Variants in TMEM135 observed in about 807,000 individuals in gnomAD.
TMEM135 encodes the protein transmembrane protein 135.
In TMEM135, 30 loss-of-function variants were observed where a neutral mutation model predicts 60.3. The observed-to-expected ratio is 0.50, with a 90% CI of 0.37 to 0.68. The LOEUF (loss-of-function observed/expected upper bound fraction) is 0.68. Among genes scored for constraint, TMEM135 ranks in the 30% least tolerant of loss-of-function variants. TMEM135 has a pLI of 0.00. For missense variants in TMEM135, 468 were observed against 548.8 expected (o/e 0.85, Z 1.47); for synonymous variants, 190 against 186.7 (o/e 1.02, Z -0.14).
At chr11:87,218,736 T>C (rs1382073064) in intron 5 of TMEM135, among the ~76,000 whole-genome samples, 3 of 152,046 alleles carry the variant, frequency 2.0e-5, no homozygotes, top group Non-Finnish European at 2.9e-5. Context: ...CCGAGGCAGG[T>C]GGATCACTTG....
intron 5 of TMEM135, among the ~76,000 whole-genome samples, chr11:87,174,391 C>T (rs1308778508): frequency 6.6e-6 from 1 of 152,112 alleles, no homozygotes; most frequent in Non-Finnish European, 1.5e-5. Flanking sequence ...CTAGAATGTT[C>T]CTGATAACTT....
At chr11:87,138,761 A>G (rs963274476) in intron 4 of TMEM135, among the ~76,000 whole-genome samples, 2 of 152,236 alleles carry the variant, frequency 1.3e-5, no homozygotes, top group Admixed American at 1.3e-4. Flanking sequence ...ATGGGAACAC[A>G]GGTGCAAGAG....
intron 1 of TMEM135, among the ~76,000 whole-genome samples, chr11:87,046,319 G>A (rs1281707859): frequency 6.6e-6 from 1 of 152,214 alleles, no homozygotes; most frequent in African/African-American, 2.4e-5. Flanking sequence ...CAGGAGAATC[G>A]CTTGCAGCGA....
At chr11:87,199,845 G>T (rs887653306) in intron 5 of TMEM135, among the ~76,000 whole-genome samples, 2 of 152,178 alleles carry the variant, frequency 1.3e-5, no homozygotes, top group African/African-American at 4.8e-5. Context: ...CAGGAGAATT[G>T]CTTGACCCTG....
At chr11:87,210,572 A>G (rs1343528769) in intron 5 of TMEM135, among the ~76,000 whole-genome samples, 2 of 152,288 alleles carry the variant, frequency 1.3e-5, no homozygotes, top group African/African-American at 4.8e-5. Context: ...TCACAGGTAA[A>G]TTCTATTAGA....
intron 4 of TMEM135, among the ~76,000 whole-genome samples, chr11:87,115,596 C>T (rs187519217): frequency 6.6e-6 from 1 of 152,006 alleles, no homozygotes; most frequent in Non-Finnish European, 1.5e-5. Flanking sequence ...TTGGCATAGA[C>T]TTTTCTATTA....
intron 6 of TMEM135, among the ~76,000 whole-genome samples, chr11:87,251,391 A>T (rs1591140452): frequency 6.6e-6 from 1 of 152,120 alleles, no homozygotes; most frequent in Admixed American, 6.6e-5. Context: ...TACCTTGTTA[A>T]ATTTAGGTGC....
intron 5 of TMEM135, among the ~76,000 whole-genome samples, chr11:87,176,938 T>C (rs1939386560): frequency 6.6e-6 from 1 of 152,216 alleles, no homozygotes; most frequent in Non-Finnish European, 1.5e-5. Context: ...TCTTTTCTTA[T>C]TGTTTAAAGT....
chr11:87,266,134 T>G (rs1941742424), intron 6 of TMEM135, among the ~76,000 whole-genome samples: 1 of 152,148 alleles, frequency 6.6e-6, no homozygotes, highest in African/African-American at 2.4e-5. Flanking sequence ...TGTTTATAGT[T>G]AAGGATTTTA....
chr11:87,178,724 C>T (rs2135299833), intron 5 of TMEM135, among the ~76,000 whole-genome samples: 1 of 152,236 alleles, frequency 6.6e-6, no homozygotes, highest in Admixed American at 6.5e-5. Flanking sequence ...CCATGCCTGT[C>T]CAACATAATG....
chr11:87,255,192 G>T (rs930354636), intron 6 of TMEM135, among the ~76,000 whole-genome samples: 29 of 152,142 alleles, frequency 1.9e-4, no homozygotes, highest in Non-Finnish European at 4.3e-4. Flanking sequence ...ATAGAGTGGA[G>T]ATTGGCACTT....
At chr11:87,096,113 A>G in intron 4 of TMEM135, 1 of 284,132 alleles carries the variant, frequency 3.5e-6, no homozygotes, top group South Asian at 4.3e-5. Flanking sequence ...CTTCACCAAT[A>G]TAAAGAAAAC....
At chr11:87,041,044 G>C (rs1253575095) in intron 1 of TMEM135, among the ~76,000 whole-genome samples, 1 of 152,114 alleles carries the variant, frequency 6.6e-6, no homozygotes, top group East Asian at 1.9e-4. Flanking sequence ...AAACTAAGTG[G>C]TTTTGTAAGA....
intron 5 of TMEM135, among the ~76,000 whole-genome samples, chr11:87,183,996 A>G (rs1939590116): frequency 6.6e-6 from 1 of 150,754 alleles, no homozygotes; most frequent in African/African-American, 2.4e-5. Flanking sequence ...AGTTAAACGA[A>G]TATTTACCTT....
intron 6 of TMEM135, among the ~76,000 whole-genome samples, chr11:87,245,105 T>C (rs1322915855): frequency 1.5e-5 from 2 of 132,974 alleles, no homozygotes; most frequent in Non-Finnish European, 3.3e-5. Flanking sequence ...CATTTCGTTA[T>C]GTACTCAGTA....
chr11:87,053,754 G>A (rs17149678), intron 1 of TMEM135, among the ~76,000 whole-genome samples: 15,306 of 152,064 alleles, frequency 0.1, 850 homozygotes, highest in African/African-American at 0.11. Context: ...TTCCATTATC[G>A]TAATATATAC....
At chr11:87,093,908 GATAAAC>G (rs1295836955) in intron 4 of TMEM135, among the ~76,000 whole-genome samples, 6 of 152,042 alleles carry the variant, frequency 3.9e-5, no homozygotes, top group Admixed American at 3.9e-4. Context: ...TTAAAAAGAT[GATAAAC>G]ACCAGACTTA....
chr11:87,233,242 T>A (rs748004265), intron 5 of TMEM135, among the ~76,000 whole-genome samples: 1 of 151,962 alleles, frequency 6.6e-6, no homozygotes, highest in Non-Finnish European at 1.5e-5. Flanking sequence ...GAGAAATAAA[T>A]AGCAAGATGA....
chr11:87,128,617 A>G (rs373214583), intron 4 of TMEM135, among the ~76,000 whole-genome samples: 1 of 152,204 alleles, frequency 6.6e-6, no homozygotes, highest in South Asian at 2.1e-4. Flanking sequence ...TGTTAACTCT[A>G]AGAAAAATAC....
Sources: allele counts gnomAD v4.1 joint callset (sites outside exome capture counted in the v4.1 genomes callset), GRCh38; gene constraint gnomAD v4.1.1; transcripts MANE v1.5; gene names NCBI Gene and HGNC (gene_info 2026-07-23, HGNC 2026-07-21).